TRIM44: variants seen among roughly 807,000 people sequenced by gnomAD.
TRIM44 encodes the protein tripartite motif-containing protein 44.
In TRIM44, 13 loss-of-function variants were observed where a neutral mutation model predicts 37.4. The observed-to-expected ratio is 0.35, with a 90% CI of 0.23 to 0.55. The LOEUF (loss-of-function observed/expected upper bound fraction) is 0.55. Ranked by LOEUF, TRIM44 falls within the 20% of genes least tolerant of loss-of-function variation. The pLI, the probability that TRIM44 is intolerant of heterozygous loss-of-function variation, is 0.89. For synonymous variants in TRIM44, 175 were observed against 157.2 expected (o/e 1.11, Z -0.85); for missense variants, 426 against 437.2 (o/e 0.97, Z 0.23).
At chr11:35,757,588 G>C (rs1323619484) in intron 4 of TRIM44, among the ~76,000 whole-genome samples, 2 of 152,198 alleles carry the variant, frequency 1.3e-5, no homozygotes, top group Admixed American at 6.5e-5. Context: ...TAATTGTGAT[G>C]TTAGGGTGTC....
Position 35,747,090 on chromosome 11 carries a change from G to A in TRIM44, c.1007+11645G>A, listed in dbSNP as rs1459153926. ...GAGAGGCATTTCTCAGCTGCTAGAT[G>A]CATCTTGGTCTAGATACTTTGGGAC... On this transcript the variant is annotated intron_variant, in intron 4 of 4. Transcript: ENST00000299413. Among the ~76,000 whole-genome samples, 3 of 152,136 alleles carry A rather than the reference G, an allele frequency of 2.0e-5. No individual in the cohort carries two copies. The East Asian group carries it at 5.8e-4, about 29-fold the overall frequency.
At chr11:35,729,649 G>T (rs1226059671) in intron 3 of TRIM44, among the ~76,000 whole-genome samples, 1 of 152,172 alleles carries the variant, frequency 6.6e-6, no homozygotes, top group Non-Finnish European at 1.5e-5. Flanking sequence ...GTAGAATGGA[G>T]TCCTGTCATT....
At chr11:35,708,730 G>T (rs941672746) in intron 2 of TRIM44, among the ~76,000 whole-genome samples, 3 of 151,842 alleles carry the variant, frequency 2.0e-5, no homozygotes, top group Non-Finnish European at 2.9e-5. Context: ...ATGGACGCAG[G>T]AAGGGGAACA....
At chr11:35,706,022 A>G (rs1264396578) in intron 2 of TRIM44, among the ~76,000 whole-genome samples, 1 of 148,912 alleles carries the variant, frequency 6.7e-6, no homozygotes, top group African/African-American at 2.4e-5. Context: ...TAGCAAGACT[A>G]ATAAAGAAGA....
intron 4 of TRIM44, among the ~76,000 whole-genome samples, chr11:35,745,148 ACT>A (rs1159811355): frequency 6.6e-6 from 1 of 151,876 alleles, no homozygotes; most frequent in Non-Finnish European, 1.5e-5. Context: ...ATCACCACAC[ACT>A]CTTCCACAAT....
chr11:35,685,119 A>AT, intron 1 of TRIM44, 140 bp from the exon 2 acceptor site: 1 of 644,294 alleles, frequency 1.6e-6, no homozygotes, highest in East Asian at 2.7e-5. Flanking sequence ...AAGAGGGGCA[A>AT]TGCACCTCTC....
At chr11:35,804,764 T>C (rs757302272) in intron 4 of TRIM44, among the ~76,000 whole-genome samples, 4 of 152,140 alleles carry the variant, frequency 2.6e-5, no homozygotes, top group Non-Finnish European at 5.9e-5. Flanking sequence ...CCCATGATTG[T>C]ATAACCAGCA....
chr11:35,671,803 T>C (rs1412074011), intron 1 of TRIM44, among the ~76,000 whole-genome samples: 3 of 152,250 alleles, frequency 2.0e-5, no homozygotes, highest in Non-Finnish European at 4.4e-5. Flanking sequence ...TGGACATTGC[T>C]GTATTGCAGT....
At chr11:35,704,976 A>G (rs1200485045) in intron 2 of TRIM44, among the ~76,000 whole-genome samples, 3 of 148,932 alleles carry the variant, frequency 2.0e-5, no homozygotes, top group Admixed American at 1.3e-4. Context: ...CAAATTGGAT[A>G]AAGAGTCAAG....
intron 4 of TRIM44, among the ~76,000 whole-genome samples, chr11:35,773,675 A>T (rs1044660291): frequency 2.0e-5 from 3 of 151,970 alleles, no homozygotes; most frequent in Admixed American, 6.6e-5. Flanking sequence ...CCTGTGTCCA[A>T]GCATTCTCAT....
intron 2 of TRIM44, among the ~76,000 whole-genome samples, chr11:35,710,393 C>G (rs1352833676): frequency 6.6e-6 from 1 of 152,104 alleles, no homozygotes; most frequent in African/African-American, 2.4e-5. Flanking sequence ...TCCTGTCTAC[C>G]CTTCAGCATT....
At position 35,672,441 on chromosome 11, in the gene TRIM44, C is replaced by T. The variant is rs879887820; in HGVS notation, c.669+8661C>T. Among the ~76,000 whole-genome samples the T allele has an allele frequency of 2.5e-4, 38 of 152,206 alleles. 1 individual carries two copies. Among genetic ancestry groups the T allele is most frequent in the Admixed American group, 1.6e-3 (24 of 15,280 alleles). On this transcript the variant is annotated intron_variant, in intron 1 of 4. Coordinates refer to ENST00000299413, the MANE Select transcript of TRIM44 (RefSeq NM_017583.6). ...CACCTGAAGAAAAGGTAGAGTCTTA[C>T]AAAGTGGCAAAGGGAGAAGTGGTTG...
intron 1 of TRIM44, among the ~76,000 whole-genome samples, chr11:35,669,056 A>T (rs1359263311): frequency 2.6e-5 from 4 of 151,760 alleles, no homozygotes; most frequent in African/African-American, 9.7e-5. Context: ...TTAGTTTTTC[A>T]TGTTTCATGT....
Position 35,806,676 on chromosome 11 carries a change from TACTC to T in TRIM44, c.*293_*296del, listed in dbSNP as rs1853455663. ...AATCCCTCAATGGCTGCTTTGAACT[TACTC>T]AGGAAAGCCAGCCCCCATAATATTG... On this transcript the variant is annotated 3_prime_UTR_variant, in exon 5 of 5. Transcript: ENST00000299413. 9.2e-5 allele frequency: 33 copies of T among 360,630 alleles called. No homozygotes were observed. The East Asian group carries it at 1.5e-3, about 17-fold the overall frequency. 22.3% of individuals were successfully genotyped at this position (360,630 alleles called of 1,614,324 possible). A position where few individuals can be genotyped will look rare whatever the true frequency, so the allele number is the denominator to read the frequency against.
intron 4 of TRIM44, among the ~76,000 whole-genome samples, chr11:35,795,102 C>T (rs1474628462): frequency 6.6e-6 from 1 of 151,970 alleles, no homozygotes; most frequent in African/African-American, 2.4e-5. Flanking sequence ...AAAGCACAAG[C>T]CTTAAGGCAC....
intron 1 of TRIM44, among the ~76,000 whole-genome samples, chr11:35,677,945 G>T (rs971348362): frequency 2.0e-5 from 3 of 152,190 alleles, no homozygotes; most frequent in Non-Finnish European, 4.4e-5. Context: ...CTAGTGACCT[G>T]GGTGTAGTTA....
At chr11:35,760,728 A>C (rs769551039) in intron 4 of TRIM44, among the ~76,000 whole-genome samples, 1 of 152,226 alleles carries the variant, frequency 6.6e-6, no homozygotes, top group African/African-American at 2.4e-5. Context: ...TGAAGTACAT[A>C]TACATAGCTG....
chr11:35,775,543 G>C (rs1852944580), intron 4 of TRIM44, among the ~76,000 whole-genome samples: 1 of 152,152 alleles, frequency 6.6e-6, no homozygotes, highest in African/African-American at 2.4e-5. Context: ...TCCCTGTCTT[G>C]TGCCAGTTTT....
At chr11:35,709,479 T>G (rs140676999) in intron 2 of TRIM44, among the ~76,000 whole-genome samples, 200 of 152,284 alleles carry the variant, frequency 1.3e-3, no homozygotes, top group African/African-American at 4.4e-3. Flanking sequence ...CCCTAAAATA[T>G]TACCATTTGC....
Sources: gnomAD v4.1 joint callset for allele counts (sites outside exome capture counted in the v4.1 genomes callset) on GRCh38, gnomAD v4.1.1 for gene constraint, MANE v1.5 for transcripts, NCBI Gene and HGNC (gene_info 2026-07-23, HGNC 2026-07-21) for gene names.